USP13: variants seen among roughly 807,000 people sequenced by gnomAD.
USP13 encodes ubiquitin carboxyl-terminal hydrolase 13.
Under a neutral mutation model 107.8 loss-of-function variants are expected in USP13, and 68 were observed. The ratio of observed to expected loss-of-function variants is 0.63; its 90% CI spans 0.52 to 0.77. The LOEUF is 0.77. Ranked by LOEUF, USP13 falls within the 30% of genes least tolerant of loss-of-function variation. USP13 has a pLI of 0.00. For synonymous variants in USP13, 377 were observed against 389.5 expected, an observed-to-expected ratio of 0.97 and a Z score of 0.38; for missense variants, 945 against 1,093.3, an observed-to-expected ratio of 0.86 and a Z score of 1.91.
chr3:179,744,357 T>G (rs74760487), intron 12 of USP13, among the ~76,000 whole-genome samples: 1 of 146,634 alleles, frequency 6.8e-6, no homozygotes, highest in East Asian at 1.9e-4. Flanking sequence ...TTTTTTTTGT[T>G]TTGTTTTGTT....
Position 179,789,334 on chromosome 3 carries a change from C to A in USP13, c.*5193C>A, listed in dbSNP as rs1043428909. 5 of 152,088 alleles carry A rather than the reference C, an allele frequency of 3.3e-5. No homozygotes were observed. Among genetic ancestry groups the A allele is most frequent in the African/African-American group, 1.2e-4 (5 of 41,404 alleles). 9.4% of individuals were successfully genotyped at this position (152,088 alleles called of 1,614,324 possible). On this transcript the variant is annotated 3_prime_UTR_variant, in exon 21 of 21. Coordinates refer to ENST00000263966, the MANE Select transcript of USP13 (RefSeq NM_003940.3). ...ATCAAATGTTTTGGGAGATTATTTGCCTGAGATGGAAAGAGAGATGGATGA... is the reference window on the plus strand; with the variant it reads ...ATCAAATGTTTTGGGAGATTATTTGACTGAGATGGAAAGAGAGATGGATGA...
chr3:179,694,799 C>CAAAGAAAA (rs1327789835), intron 3 of USP13, among the ~76,000 whole-genome samples: 2 of 82,174 alleles, frequency 2.4e-5, no homozygotes, highest in Non-Finnish European at 4.9e-5. Context: ...AACTCCATCT[C>CAAAGAAAA]AAAAAAAAAA....
chr3:179,723,827 T>A (rs550903330), intron 8 of USP13, among the ~76,000 whole-genome samples: 1 of 152,208 alleles, frequency 6.6e-6, no homozygotes, highest in East Asian at 1.9e-4. Flanking sequence ...GGAGTTAGAT[T>A]CAGGAGCAGT....
chr3:179,739,726 T>G (rs1714120231), intron 10 of USP13, among the ~76,000 whole-genome samples: 1 of 152,060 alleles, frequency 6.6e-6, no homozygotes, highest in African/African-American at 2.4e-5. Context: ...CCCAGCTAAT[T>G]TTTTGTATTT....
Position 179,765,696 on chromosome 3 carries a change from A to C in USP13, c.2261A>C (p.Asn754Thr), listed in dbSNP as rs560800225. ...CATCTGTTTCTTTTTTGTTGTTAGA[A>C]TAATAACCTGGAAAGAGCACTGGAT... ...NQAIQALRAT[N>T]NNLERALDWI... Residue 754 changes from asparagine to threonine, a missense_variant and splice_region_variant, in exon 19 of 21, where the codon AAT becomes ACT. Asn to Thr is a moderately conservative substitution (Grantham distance 65). Transcript: ENST00000263966. 4.3e-6 allele frequency: 7 copies of C among 1,613,914 alleles called. No individual in the cohort carries two copies. In the African/African-American group the frequency reaches 9.3e-5, roughly 22 times the overall value.
At chr3:179,725,347 A>C (rs893079135) in intron 8 of USP13, among the ~76,000 whole-genome samples, 1 of 152,186 alleles carries the variant, frequency 6.6e-6, no homozygotes, top group Non-Finnish European at 1.5e-5. Flanking sequence ...ACTGGATCAT[A>C]AGAGAGCTCC....
chr3:179,745,711 A>G (rs181883436), intron 13 of USP13, among the ~76,000 whole-genome samples: 137 of 152,298 alleles, frequency 9.0e-4, no homozygotes, highest in African/African-American at 3.1e-3. Flanking sequence ...CCATTGTGCT[A>G]TATTTTAACT....
Position 179,774,630 on chromosome 3 carries a change from T to C in USP13, c.2414-7109T>C, listed in dbSNP as rs539843222. Among the ~76,000 whole-genome samples, 3 of 152,108 alleles carry C rather than the reference T, an allele frequency of 2.0e-5. No homozygotes were observed. The South Asian group carries it at 6.2e-4, about 32-fold the overall frequency. Reference sequence around the variant, plus strand: ...TTGCAGTGATTACAGCTCATAAAGGTAGTGGAGACCCAAAGGGTGAGCAGC... The same window carrying C: ...TTGCAGTGATTACAGCTCATAAAGGCAGTGGAGACCCAAAGGGTGAGCAGC... On this transcript the variant is annotated intron_variant, in intron 19 of 20. Coordinates refer to ENST00000263966, the MANE Select transcript of USP13 (RefSeq NM_003940.3).
chr3:179,670,658 C>G (rs963894672), intron 1 of USP13, among the ~76,000 whole-genome samples: 1 of 151,884 alleles, frequency 6.6e-6, no homozygotes, highest in Admixed American at 6.6e-5. Flanking sequence ...AAATTATTGG[C>G]CGGGCGCAGT....
chr3:179,728,043 C>T lies in USP13; in HGVS notation c.1089-2146C>T, dbSNP rs1406211225. Among the ~76,000 whole-genome samples the T allele has an allele frequency of 1.2e-4, 8 of 67,126 alleles. 1 individual carries two copies. The highest frequency in any genetic ancestry group is 2.5e-4 in the Non-Finnish European group (7 of 28,254). The allele number at this position is 67,126 out of a possible 152,430, so 44.0% of individuals were successfully genotyped here. On this transcript the variant is annotated intron_variant, in intron 8 of 20. Coordinates refer to ENST00000263966, the MANE Select transcript of USP13 (RefSeq NM_003940.3). ...GGGGGCTGATCCCCACCACCTCCCT[C>T]CCGGACGGGGCGGCTGGCCGGGCGG...
chr3:179,708,460 G>A (rs1290413548), intron 5 of USP13, among the ~76,000 whole-genome samples: 1 of 151,634 alleles, frequency 6.6e-6, no homozygotes, highest in African/African-American at 2.4e-5. Context: ...GATTACAGGT[G>A]CCCACCACCA....
intron 8 of USP13, among the ~76,000 whole-genome samples, chr3:179,729,071 T>G (rs1041206172): frequency 6.6e-6 from 1 of 152,094 alleles, no homozygotes; most frequent in Non-Finnish European, 1.5e-5. Flanking sequence ...CAGACTTTAT[T>G]CAAGGGGGTC....
At chr3:179,723,909 T>G (rs1045841660) in intron 8 of USP13, among the ~76,000 whole-genome samples, 1 of 151,930 alleles carries the variant, frequency 6.6e-6, no homozygotes, top group Non-Finnish European at 1.5e-5. Flanking sequence ...ACCCAGTACT[T>G]TGGGAGGCTG....
At chr3:179,660,956 G>A (rs1022094473) in intron 1 of USP13, among the ~76,000 whole-genome samples, 13 of 152,104 alleles carry the variant, frequency 8.5e-5, no homozygotes, top group Admixed American at 7.9e-4. Flanking sequence ...TTTGAGAACC[G>A]CAAAAAGCTT....
At chr3:179,696,141 G>A (rs922156757) in intron 3 of USP13, among the ~76,000 whole-genome samples, 3 of 152,114 alleles carry the variant, frequency 2.0e-5, no homozygotes, top group South Asian at 4.1e-4. Flanking sequence ...TGGCTGATCC[G>A]ATTCAGGGAA....
intron 2 of USP13, among the ~76,000 whole-genome samples, chr3:179,686,839 A>G (rs928391400): frequency 2.0e-5 from 3 of 152,086 alleles, no homozygotes; most frequent in Admixed American, 6.5e-5. Context: ...TGCATGTTTG[A>G]GCTTGTTTTC....
chr3:179,740,694 G>A (rs139395482), intron 11 of USP13, among the ~76,000 whole-genome samples: 12 of 151,966 alleles, frequency 7.9e-5, no homozygotes, highest in East Asian at 5.8e-4. Context: ...AGAGCCCTGC[G>A]TGGTATTTGG....
chr3:179,655,548 G>GTTTTTTTTTTTTTTTTTTTTT (rs150977876), intron 1 of USP13, among the ~76,000 whole-genome samples: 16 of 131,424 alleles, frequency 1.2e-4, no homozygotes, highest in South Asian at 7.3e-4. Flanking sequence ...TAATGGGAAG[G>GTTTTTTTTTTTTTTTTTTTTT]TTTTTTTTGT....
chr3:179,767,058 C>A (rs570155423), intron 19 of USP13, among the ~76,000 whole-genome samples: 5 of 152,294 alleles, frequency 3.3e-5, no homozygotes, highest in Admixed American at 2.0e-4. Flanking sequence ...GTGAAATGAG[C>A]CTTCTCTCCC....
Sources: gnomAD v4.1 joint callset for allele counts (sites outside exome capture counted in the v4.1 genomes callset) on GRCh38, gnomAD v4.1.1 for gene constraint, MANE v1.5 for transcripts, NCBI Gene and HGNC (gene_info 2026-07-23, HGNC 2026-07-21) for gene names.